The following GULP1 variants were observed in gnomAD, a reference collection of about 807,000 sequenced individuals.
The protein encoded by GULP1 is PTB domain-containing engulfment adapter protein 1.
A neutral mutation model predicts 40.9 loss-of-function variants in GULP1; 19 were observed. That is an observed-to-expected ratio of 0.46 (90% confidence interval 0.32 to 0.68). GULP1 has a LOEUF of 0.68. GULP1 is among the 30% of genes least tolerant of loss of function. The pLI, the probability that GULP1 is intolerant of heterozygous loss-of-function variation, is 0.03. For synonymous variants in GULP1, 119 were observed against 117.6 expected, an observed-to-expected ratio of 1.01 and a Z score of -0.08; for missense variants, 312 against 362.2, an observed-to-expected ratio of 0.86 and a Z score of 1.12.
At chr2:188,543,559 G>T (rs191334083) in intron 7 of GULP1, among the ~76,000 whole-genome samples, 1 of 152,088 alleles carries the variant, frequency 6.6e-6, no homozygotes, top group South Asian at 2.1e-4. Flanking sequence ...CAGAATTTTT[G>T]ATATGCCATC....
chr2:188,560,584 C>A (rs1391274428), intron 7 of GULP1, among the ~76,000 whole-genome samples: 1 of 152,148 alleles, frequency 6.6e-6, no homozygotes, highest in Admixed American at 6.5e-5. Context: ...GTCCTCAGTA[C>A]CAGTTTTCTG....
intron 2 of GULP1, among the ~76,000 whole-genome samples, chr2:188,459,503 A>G (rs1330620745): frequency 1.3e-5 from 2 of 152,130 alleles, no homozygotes; most frequent in Non-Finnish European, 2.9e-5. Context: ...TTTTGCCCAT[A>G]TTTTAATCAG....
chr2:188,316,247 C>T (rs1242336730), intron 1 of GULP1, among the ~76,000 whole-genome samples: 1 of 152,140 alleles, frequency 6.6e-6, no homozygotes, highest in Non-Finnish European at 1.5e-5. Flanking sequence ...CATCCTGTGA[C>T]AAGAAACTTC....
intron 1 of GULP1, among the ~76,000 whole-genome samples, chr2:188,374,030 A>G (rs2047969729): frequency 1.3e-5 from 2 of 152,086 alleles, no homozygotes; most frequent in African/African-American, 4.8e-5. Context: ...AAACTATGTG[A>G]CATCATTTCT....
At chr2:188,494,712 A>AT (rs1313577548) in intron 4 of GULP1, among the ~76,000 whole-genome samples, 1 of 151,848 alleles carries the variant, frequency 6.6e-6, no homozygotes, top group Non-Finnish European at 1.5e-5. Flanking sequence ...GTAGCATCAC[A>AT]TTTTTCTCAT....
chr2:188,513,238 T>G (rs1021405475), intron 4 of GULP1, among the ~76,000 whole-genome samples: 1 of 152,176 alleles, frequency 6.6e-6, no homozygotes, highest in Non-Finnish European at 1.5e-5. Flanking sequence ...TAACTTTCAT[T>G]ATATAGACTA....
intron 4 of GULP1, among the ~76,000 whole-genome samples, chr2:188,515,103 TTTAGTTTG>T (rs2065041134): frequency 6.6e-6 from 1 of 152,208 alleles, no homozygotes; most frequent in Non-Finnish European, 1.5e-5. Flanking sequence ...TAAGTCCACA[TTTAGTTTG>T]AAATGAAACT....
At chr2:188,511,591 A>G (rs1276785730) in intron 4 of GULP1, among the ~76,000 whole-genome samples, 2 of 152,180 alleles carry the variant, frequency 1.3e-5, no homozygotes, top group Non-Finnish European at 2.9e-5. Flanking sequence ...TAGTGTGACC[A>G]TGTGGTACAA....
chr2:188,404,468 C>A (rs2052765878), intron 2 of GULP1, among the ~76,000 whole-genome samples: 1 of 152,126 alleles, frequency 6.6e-6, no homozygotes, highest in Admixed American at 6.5e-5. Context: ...GAGAAGTGAG[C>A]CCTGGGTTTT....
At chr2:188,558,004 G>A (rs1171832990) in intron 7 of GULP1, among the ~76,000 whole-genome samples, 1 of 152,152 alleles carries the variant, frequency 6.6e-6, no homozygotes, top group East Asian at 1.9e-4. Flanking sequence ...AGCCTGCAAT[G>A]GGAGGGTATG....
At chr2:188,527,200 T>A (rs561731361) in intron 5 of GULP1, among the ~76,000 whole-genome samples, 2 of 152,234 alleles carry the variant, frequency 1.3e-5, no homozygotes, top group African/African-American at 4.8e-5. Context: ...TTGTTGTAGA[T>A]GTTTCAGGGG....
intron 1 of GULP1, among the ~76,000 whole-genome samples, chr2:188,346,251 A>G (rs1011940477): frequency 6.6e-6 from 1 of 152,146 alleles, no homozygotes; most frequent in Non-Finnish European, 1.5e-5. Flanking sequence ...GTTGTATTAT[A>G]ATAGGATGTT....
intron 7 of GULP1, among the ~76,000 whole-genome samples, chr2:188,568,484 A>G (rs1017526059): frequency 1.3e-5 from 2 of 152,220 alleles, no homozygotes; most frequent in Middle Eastern, 3.2e-3. Context: ...GGCAGTTTCA[A>G]ATCAATAGAT....
At chr2:188,476,952 G>A (rs1309844944) in intron 2 of GULP1, among the ~76,000 whole-genome samples, 1 of 152,006 alleles carries the variant, frequency 6.6e-6, no homozygotes, top group Non-Finnish European at 1.5e-5. Context: ...ATCTCAATTG[G>A]ACAACAGTAC....
At chr2:188,364,606 C>T (rs527676849) in intron 1 of GULP1, among the ~76,000 whole-genome samples, 21 of 151,662 alleles carry the variant, frequency 1.4e-4, no homozygotes, top group Admixed American at 9.2e-4. Flanking sequence ...CTATGGTTTG[C>T]GGTTTTTTAT....
At chr2:188,541,418 C>T in intron 7 of GULP1, 100 bp downstream of exon 7, 1 of 990,152 alleles carries the variant, frequency 1.0e-6, no homozygotes, top group Non-Finnish European at 1.6e-6. Flanking sequence ...GAATAATTTT[C>T]TGTAAATTAT....
intron 1 of GULP1, among the ~76,000 whole-genome samples, chr2:188,350,715 G>C (rs893604116): frequency 1.2e-4 from 18 of 151,522 alleles, no homozygotes; most frequent in African/African-American, 4.4e-4. Context: ...AAGTTTAATT[G>C]TAACAAATTT....
intron 2 of GULP1, among the ~76,000 whole-genome samples, chr2:188,409,391 C>T (rs984542429): frequency 6.6e-6 from 1 of 152,086 alleles, no homozygotes; most frequent in Non-Finnish European, 1.5e-5. Context: ...ATTCAACCTA[C>T]TTATGCTAAA....
intron 1 of GULP1, among the ~76,000 whole-genome samples, chr2:188,349,172 G>A (rs1481863273): frequency 4.6e-5 from 7 of 152,126 alleles, no homozygotes; most frequent in Admixed American, 1.3e-4. Flanking sequence ...CATTTGGGTT[G>A]TTTCCACAGT....
Sources: gnomAD v4.1 joint callset for allele counts (sites outside exome capture counted in the v4.1 genomes callset) on GRCh38, gnomAD v4.1.1 for gene constraint, MANE v1.5 for transcripts, NCBI Gene and HGNC (gene_info 2026-07-23, HGNC 2026-07-21) for gene names.